Variants in C8orf34 observed in about 807,000 individuals in gnomAD.
C8orf34 encodes chromosome 8 open reading frame 34.
C8orf34 carries 65 observed loss-of-function variants against 68.3 expected under a neutral mutation model. That is an observed-to-expected ratio of 0.95 (90% confidence interval 0.78 to 1.17). The LOEUF is 1.17. Among genes scored for constraint, C8orf34 ranks in the 50% most tolerant of loss-of-function variants. The pLI is 0.00. For synonymous variants in C8orf34, 244 were observed against 241.2 expected (o/e 1.01, Z -0.11); for missense variants, 664 against 655.4 (o/e 1.01, Z -0.14).
At chr8:68,403,427 C>T (rs555900387) in intron 1 of C8orf34, among the ~76,000 whole-genome samples, 2 of 152,248 alleles carry the variant, frequency 1.3e-5, no homozygotes, top group African/African-American at 4.8e-5. Flanking sequence ...GGTACACGTG[C>T]AAAACGTGCA....
chr8:68,608,302 C>T (rs550872322), intron 7 of C8orf34, among the ~76,000 whole-genome samples: 1 of 140,502 alleles, frequency 7.1e-6, no homozygotes, highest in African/African-American at 3.0e-5. Context: ...GTAATAAAAG[C>T]GATCTTCTAG....
At chr8:68,479,965 A>T (rs1468844094) in intron 4 of C8orf34, among the ~76,000 whole-genome samples, 1 of 152,218 alleles carries the variant, frequency 6.6e-6, no homozygotes, top group Non-Finnish European at 1.5e-5. Context: ...AGAGTTATTT[A>T]TAAAGCAAGA....
intron 5 of C8orf34, among the ~76,000 whole-genome samples, chr8:68,499,833 A>C (rs771868334): frequency 6.6e-6 from 1 of 152,184 alleles, no homozygotes; most frequent in Non-Finnish European, 1.5e-5. Flanking sequence ...TGTCTCCTCC[A>C]AATCTCATGT....
At chr8:68,453,279 T>C (rs1273399909) in intron 3 of C8orf34, among the ~76,000 whole-genome samples, 1 of 152,024 alleles carries the variant, frequency 6.6e-6, no homozygotes, top group African/African-American at 2.4e-5. Flanking sequence ...AAGTTCTATA[T>C]GAATTTTAGA....
chr8:68,538,978 T>A (rs757133832), intron 7 of C8orf34, among the ~76,000 whole-genome samples: 4 of 152,126 alleles, frequency 2.6e-5, no homozygotes, highest in Non-Finnish European at 5.9e-5. Flanking sequence ...AATTAGAAAT[T>A]TGTACTATAT....
intron 2 of C8orf34, among the ~76,000 whole-genome samples, chr8:68,442,399 G>A (rs959302841): frequency 6.6e-6 from 1 of 152,110 alleles, no homozygotes; most frequent in Non-Finnish European, 1.5e-5. Context: ...GTTCCCAGAA[G>A]TTCTGGGAAG....
intron 11 of C8orf34, among the ~76,000 whole-genome samples, chr8:68,780,444 T>C (rs1289196683): frequency 6.6e-6 from 1 of 152,128 alleles, no homozygotes; most frequent in Non-Finnish European, 1.5e-5. Context: ...AATAGTCATG[T>C]ACATTTATTT....
At chr8:68,496,124 C>G (rs986571879) in intron 5 of C8orf34, among the ~76,000 whole-genome samples, 1 of 152,196 alleles carries the variant, frequency 6.6e-6, no homozygotes. Flanking sequence ...ACTTTTTCCT[C>G]TTAAGAAATA....
chr8:68,790,062 T>A (rs916761862), intron 12 of C8orf34, among the ~76,000 whole-genome samples: 1 of 152,212 alleles, frequency 6.6e-6, no homozygotes. Context: ...AATGGAATGC[T>A]AGTTAGCATT....
intron 11 of C8orf34, 60 bp downstream of exon 11, chr8:68,776,509 C>T: frequency 7.4e-7 from 1 of 1,357,090 alleles, no homozygotes; most frequent in Non-Finnish European, 1.1e-6. Context: ...CAGGATGAAG[C>T]ACTCACTTAG....
chr8:68,391,631 A>G (rs528323499), intron 1 of C8orf34, among the ~76,000 whole-genome samples: 3 of 152,306 alleles, frequency 2.0e-5, no homozygotes, highest in South Asian at 2.1e-4. Flanking sequence ...ATACTGTCAC[A>G]TTGCTGTCAA....
chr8:68,494,507 C>T (rs1266406652), intron 5 of C8orf34, among the ~76,000 whole-genome samples: 1 of 152,088 alleles, frequency 6.6e-6, no homozygotes, highest in East Asian at 1.9e-4. Flanking sequence ...GAACTGTACA[C>T]TAAAAATGGT....
intron 1 of C8orf34, among the ~76,000 whole-genome samples, chr8:68,342,188 C>T (rs1441644756): frequency 6.6e-6 from 1 of 152,056 alleles, no homozygotes; most frequent in African/African-American, 2.4e-5. Flanking sequence ...ACATCATAAA[C>T]ATAATATTTG....
intron 1 of C8orf34, among the ~76,000 whole-genome samples, chr8:68,359,726 C>CA (rs1166306619): frequency 6.6e-6 from 1 of 152,066 alleles, no homozygotes; most frequent in Non-Finnish European, 1.5e-5. Context: ...CCTGGGTTCA[C>CA]AAAGTTTTGC....
At chr8:68,677,118 A>T (rs1368307829) in intron 8 of C8orf34, among the ~76,000 whole-genome samples, 2 of 143,378 alleles carry the variant, frequency 1.4e-5, no homozygotes, top group African/African-American at 4.9e-5. Context: ...ATCAATAACA[A>T]GACGAATTTT....
chr8:68,709,165 T>C (rs1387449297), intron 9 of C8orf34, 86 bp downstream of exon 9: 1 of 989,232 alleles, frequency 1.0e-6, no homozygotes, highest in Non-Finnish European at 1.6e-6. Context: ...AAACCAAACA[T>C]CTTGCCTTGC....
At position 68,676,338 on chromosome 8, in the gene C8orf34, G is replaced by GA. The variant is rs969010760; in HGVS notation, c.1242-32646dup. Among the ~76,000 whole-genome samples, 758 of 144,986 alleles carry GA rather than the reference G, an allele frequency of 5.2e-3. 4 individuals carry two copies. The highest frequency in any genetic ancestry group is 0.017 in the African/African-American group (665 of 39,572). ...GACACAGTGAGACCCTCTCCAAAAA[G>GA]AAAAAAAAAATGCACCTAACTCTAG... On this transcript the variant is annotated intron_variant, in intron 8 of 13. Transcript: ENST00000518698.
chr8:68,390,541 A>T (rs892621703), intron 1 of C8orf34, among the ~76,000 whole-genome samples: 1 of 151,452 alleles, frequency 6.6e-6, no homozygotes, highest in South Asian at 2.1e-4. Context: ...ACTAGAACAG[A>T]CTCTTTCTTT....
intron 1 of C8orf34, among the ~76,000 whole-genome samples, chr8:68,386,075 G>T (rs1808246331): frequency 6.6e-6 from 1 of 152,020 alleles, no homozygotes; most frequent in Non-Finnish European, 1.5e-5. Flanking sequence ...CTTGGTTAAG[G>T]TTTTGACTTT....
Sources: gnomAD v4.1 joint callset for allele counts (sites outside exome capture counted in the v4.1 genomes callset) on GRCh38, gnomAD v4.1.1 for gene constraint, MANE v1.5 for transcripts, NCBI Gene and HGNC (gene_info 2026-07-23, HGNC 2026-07-21) for gene names.